Variants in FHDC1 observed in about 807,000 individuals in gnomAD.
FHDC1 encodes FH2 domain containing 1, also known as FH2 domain-containing protein 1.
A neutral mutation model predicts 52.6 loss-of-function variants in FHDC1; 25 were observed. That is an observed-to-expected ratio of 0.48 (90% CI 0.35 to 0.66). The LOEUF (loss-of-function observed/expected upper bound fraction) is 0.66, where lower values mean the gene tolerates loss of function less well. Among genes scored for constraint, FHDC1 ranks in the 30% least tolerant of loss-of-function variants. FHDC1 has a pLI of 0.01. For synonymous variants in FHDC1, 616 were observed against 581.5 expected (o/e 1.06, Z -0.85); for missense variants, 1,459 against 1,452.8 (o/e 1.00, Z -0.07).
At chr4:152,956,415 A>AT in intron 4 of FHDC1, among the ~76,000 whole-genome samples, 1 of 152,252 alleles carries the variant, frequency 6.6e-6, no homozygotes, top group Non-Finnish European at 1.5e-5. Context: ...GAAACTGAAT[A>AT]CAATTTTCTT....
chr4:152,913,272 T>G, the FHDC1 span, among the ~76,000 whole-genome samples: 1 of 152,262 alleles, frequency 6.6e-6, no homozygotes, highest in Non-Finnish European at 1.5e-5. Flanking sequence ...TTGCAAAGTA[T>G]GCAAGATGCT....
chr4:152,943,766 C>A (rs528870991), intron 2 of FHDC1, among the ~76,000 whole-genome samples: 1 of 152,178 alleles, frequency 6.6e-6, no homozygotes, highest in South Asian at 2.1e-4. Flanking sequence ...TCCTCCCAGA[C>A]GCCCTGGTGG....
At chr4:152,964,296 A>G (rs1281542651) in intron 8 of FHDC1, among the ~76,000 whole-genome samples, 1 of 152,214 alleles carries the variant, frequency 6.6e-6, no homozygotes, top group African/African-American at 2.4e-5. Context: ...TTGAAAGGTT[A>G]ATTTTCAGGC....
At chr4:152,969,915 C>T (rs994560274) in intron 10 of FHDC1, among the ~76,000 whole-genome samples, 9 of 152,098 alleles carry the variant, frequency 5.9e-5, no homozygotes, top group South Asian at 2.1e-4. Flanking sequence ...GTGATCCGCC[C>T]ACCTCCCAAA....
the FHDC1 span, among the ~76,000 whole-genome samples, chr4:152,920,064 C>A: frequency 6.8e-6 from 1 of 148,122 alleles, no homozygotes; most frequent in African/African-American, 2.5e-5. Context: ...CCTCCTATCT[C>A]AGCACCCAAG....
At position 152,975,923 on chromosome 4, in the gene FHDC1, G is replaced by C. The variant is rs561231269; in HGVS notation, c.2632G>C (p.Gly878Arg). 188 of 1,514,280 alleles carry C rather than the reference G, an allele frequency of 1.2e-4. 2 individuals carry two copies. Among genetic ancestry groups the C allele is most frequent in the South Asian group, 7.1e-4 (52 of 73,500 alleles). 93.8% of individuals were successfully genotyped at this position (1,514,280 alleles called of 1,614,324 possible). Reference protein sequence around the residue: ...KEASPGASKPGSARRSQGAVA... With the variant: ...KEASPGASKPRSARRSQGAVA... ...GGCGTCTCCCGGGGCCTCCAAGCCC[G>C]GGAGCGCCCGGCGGAGCCAGGGGGC... Residue 878 changes from glycine to arginine, a missense_variant, in exon 12 of 12, where the codon GGG (glycine) becomes CGG (arginine). Transcript: ENST00000511601.
intron 4 of FHDC1, among the ~76,000 whole-genome samples, chr4:152,956,416 C>A (rs182587649): frequency 1.6e-4 from 24 of 152,274 alleles, no homozygotes; most frequent in Middle Eastern, 3.4e-3. Context: ...AAACTGAATA[C>A]AATTTTCTTA....
chr4:152,975,064 G>A lies in FHDC1; in HGVS notation c.1773G>A (p.Val591=), dbSNP rs746886896. The A allele has an allele frequency of 1.1e-5, 17 of 1,612,220 alleles. No individual in the cohort carries two copies. Among genetic ancestry groups the A allele is most frequent in the Non-Finnish European group, 1.4e-5 (17 of 1,179,632 alleles). The change falls in exon 12 of 12, where the codon GTG becomes GTA. Residue 591 remains valine (V), a synonymous_variant. Transcript: ENST00000511601. ...PTIACLEPAE[V]RHQDSSFAHK... The stretch of plus-strand genomic sequence containing the variant: ...TAGCCTGCCTGGAGCCTGCAGAAGT[G>A]AGGCACCAGGACTCCAGCTTTGCAC...
the FHDC1 span, among the ~76,000 whole-genome samples, chr4:152,921,847 C>T: frequency 6.6e-6 from 1 of 152,098 alleles, no homozygotes; most frequent in Non-Finnish European, 1.5e-5. Flanking sequence ...CTCTGGGACA[C>T]ATTCAAAGCA....
intron 2 of FHDC1, among the ~76,000 whole-genome samples, chr4:152,949,275 A>G (rs1052717167): frequency 9.9e-5 from 15 of 152,038 alleles, no homozygotes; most frequent in African/African-American, 1.7e-4. Flanking sequence ...CAGGAATTCA[A>G]CACTAGCCTG....
At chr4:152,953,428 T>C (rs1195782755) in intron 2 of FHDC1, 71 bp from the exon 3 acceptor site, 8 of 1,285,176 alleles carry the variant, frequency 6.2e-6, no homozygotes, top group Non-Finnish European at 8.9e-6. Flanking sequence ...TGATCGGTTT[T>C]AATTATCTTC....
chr4:152,960,949 A>G (rs1740262701), intron 6 of FHDC1, 105 bp downstream of exon 6: 1 of 735,012 alleles, frequency 1.4e-6, no homozygotes, highest in Non-Finnish European at 2.1e-6. Flanking sequence ...TGAATTTCTG[A>G]TATACCCTTA....
chr4:152,937,634 G>A, intron 1 of FHDC1, among the ~76,000 whole-genome samples: 1 of 151,674 alleles, frequency 6.6e-6, no homozygotes, highest in African/African-American at 2.4e-5. Flanking sequence ...CGCCCGCCCC[G>A]CAGTCCCCGC....
chr4:152,975,477 G>A lies in FHDC1; in HGVS notation c.2186G>A (p.Arg729Lys), dbSNP rs367796879. The change falls in exon 12 of 12, where the codon AGA becomes AAA. Residue 729 changes from arginine (R) to lysine (K), a missense_variant. Transcript: ENST00000511601. ...ASSSSLTPMGRDALGSLSPAL... is the reference protein window; with the variant it reads ...ASSSSLTPMGKDALGSLSPAL... ...AGCAGCAGCCTGACACCCATGGGCA[G>A]AGATGCCCTGGGGAGTCTCAGCCCA... The A allele has an allele frequency of 3.1e-6, 5 of 1,613,250 alleles. No individual in the cohort carries two copies. Among genetic ancestry groups the A allele is most frequent in the Non-Finnish European group, 4.2e-6 (5 of 1,179,994 alleles).
rs1386986220 is a variant in FHDC1, at chr4:152,960,733, T to C, written c.750-11T>C. On this transcript the variant is annotated splice_polypyrimidine_tract_variant and intron_variant, in intron 5 of 11. Transcript: ENST00000511601. ...CATCAAATTCTACAGTTTTACTTTT[T>C]TATTTTTCAGCTATTCACTTCGGAT... The C allele has an allele frequency of 1.2e-6, 2 of 1,612,074 alleles. No homozygotes were observed. The highest frequency in any genetic ancestry group is 1.7e-6 in the Non-Finnish European group (2 of 1,179,510).
At chr4:152,960,301 C>T (rs1210934366) in intron 4 of FHDC1, among the ~76,000 whole-genome samples, 1 of 152,096 alleles carries the variant, frequency 6.6e-6, no homozygotes, top group African/African-American at 2.4e-5. Context: ...CTGCTGGCTC[C>T]AGCTCTCCAG....
intron 4 of FHDC1, among the ~76,000 whole-genome samples, chr4:152,955,028 G>T (rs1740041399): frequency 6.6e-6 from 1 of 151,966 alleles, no homozygotes; most frequent in African/African-American, 2.4e-5. Context: ...CAAAGAACAG[G>T]ATTCCTTTTC....
intron 2 of FHDC1, 105 bp from the exon 3 acceptor site, chr4:152,953,394 C>A: frequency 2.4e-6 from 2 of 817,572 alleles, no homozygotes; most frequent in South Asian, 1.6e-5. Flanking sequence ...GGGAATTATT[C>A]TCTGATAAAT....
At chr4:152,955,821 C>G (rs141506998) in intron 4 of FHDC1, among the ~76,000 whole-genome samples, 79 of 152,336 alleles carry the variant, frequency 5.2e-4, no homozygotes, top group Non-Finnish European at 9.1e-4. Context: ...AATATGTTAT[C>G]CTTTTCACAG....
Sources: gnomAD v4.1 joint callset for allele counts (sites outside exome capture counted in the v4.1 genomes callset) on GRCh38, gnomAD v4.1.1 for gene constraint, MANE v1.5 for transcripts, NCBI Gene and HGNC (gene_info 2026-07-23, HGNC 2026-07-21) for gene names.